SGCZ: variants seen among roughly 807,000 people sequenced by gnomAD.
The protein encoded by SGCZ is sarcoglycan zeta.
SGCZ carries 40 observed loss-of-function variants against 41.3 expected under a neutral mutation model. The ratio of observed to expected loss-of-function variants is 0.97; its 90% CI spans 0.75 to 1.26. SGCZ has a LOEUF of 1.26. Among genes scored for constraint, SGCZ ranks in the 50% most tolerant of loss-of-function variants. SGCZ has a pLI of 0.00. For synonymous variants in SGCZ, 206 were observed against 137.5 expected (o/e 1.50, Z -3.49); for missense variants, 552 against 369.8 (o/e 1.49, Z -4.04).
intron 2 of SGCZ, among the ~76,000 whole-genome samples, chr8:14,502,044 T>C (rs183996543): frequency 6.6e-6 from 1 of 152,080 alleles, no homozygotes; most frequent in Non-Finnish European, 1.5e-5. Flanking sequence ...AGAATGTCAA[T>C]TATTCTAATA....
chr8:14,529,403 T>C (rs1324328143), intron 2 of SGCZ, among the ~76,000 whole-genome samples: 2 of 152,154 alleles, frequency 1.3e-5, no homozygotes, highest in African/African-American at 4.8e-5. Context: ...CTGGCATGCG[T>C]GATCAGCATG....
intron 2 of SGCZ, among the ~76,000 whole-genome samples, chr8:14,392,145 A>C (rs1262575256): frequency 4.7e-5 from 7 of 149,840 alleles, no homozygotes; most frequent in African/African-American, 1.0e-4. Context: ...GATAAATCAC[A>C]AAAAAAATTA....
intron 1 of SGCZ, among the ~76,000 whole-genome samples, chr8:14,629,544 TAGTC>T (rs147952914): frequency 0.034 from 5,238 of 152,132 alleles, 290 homozygotes; most frequent in African/African-American, 0.12. Flanking sequence ...GGGAAGTAAA[TAGTC>T]AGCAAGAGGC....
chr8:15,024,297 G>C (rs564054597), intron 1 of SGCZ, among the ~76,000 whole-genome samples: 7 of 151,776 alleles, frequency 4.6e-5, no homozygotes, highest in African/African-American at 1.7e-4. Flanking sequence ...CACTTTCTTT[G>C]GTTTATATCC....
chr8:14,282,272 G>A (rs923424777), intron 3 of SGCZ, among the ~76,000 whole-genome samples: 5 of 151,834 alleles, frequency 3.3e-5, no homozygotes, highest in African/African-American at 9.7e-5. Flanking sequence ...AGAAACATTT[G>A]TTTCTTAGAG....
chr8:14,923,982 A>T (rs1343303600), intron 1 of SGCZ, among the ~76,000 whole-genome samples: 1 of 152,202 alleles, frequency 6.6e-6, no homozygotes, highest in Non-Finnish European at 1.5e-5. Context: ...ACTTCTGGAA[A>T]ATAAGGCTGT....
chr8:14,176,522 C>T (rs1804546320), intron 4 of SGCZ, among the ~76,000 whole-genome samples: 1 of 152,188 alleles, frequency 6.6e-6, no homozygotes, highest in African/African-American at 2.4e-5. Flanking sequence ...AATGTATGTC[C>T]TCAAATGACT....
intron 1 of SGCZ, among the ~76,000 whole-genome samples, chr8:14,711,155 A>C (rs184344006): frequency 6.6e-6 from 1 of 152,230 alleles, no homozygotes; most frequent in East Asian, 1.9e-4. Flanking sequence ...ATACTGAGCA[A>C]GTCACTATGG....
At chr8:14,408,662 C>A (rs1277047806) in intron 2 of SGCZ, among the ~76,000 whole-genome samples, 3 of 152,160 alleles carry the variant, frequency 2.0e-5, no homozygotes, top group African/African-American at 7.2e-5. Flanking sequence ...TGGTCCCAGG[C>A]TGTGAGTTAT....
intron 2 of SGCZ, among the ~76,000 whole-genome samples, chr8:14,418,835 T>C (rs886710517): frequency 6.6e-6 from 1 of 151,950 alleles, no homozygotes; most frequent in Admixed American, 6.6e-5. Context: ...GTATTAAAAA[T>C]AGATAAAACC....
intron 2 of SGCZ, among the ~76,000 whole-genome samples, chr8:14,526,072 TC>T (rs1802938775): frequency 6.6e-6 from 1 of 152,146 alleles, no homozygotes. Context: ...TATTTTGATA[TC>T]TTACAGAAAC....
intron 4 of SGCZ, among the ~76,000 whole-genome samples, chr8:14,213,925 G>T (rs1191989479): frequency 6.6e-6 from 1 of 151,984 alleles, no homozygotes; most frequent in African/African-American, 2.4e-5. Context: ...TTACCCTTAA[G>T]GTGGAAAAAC....
chr8:14,438,786 G>A (rs1030585142), intron 2 of SGCZ, among the ~76,000 whole-genome samples: 1 of 151,816 alleles, frequency 6.6e-6, no homozygotes, highest in South Asian at 2.1e-4. Flanking sequence ...TTAATAAATA[G>A]AAAACCATGA....
At chr8:14,657,574 T>C (rs1236664879) in intron 1 of SGCZ, among the ~76,000 whole-genome samples, 1 of 152,146 alleles carries the variant, frequency 6.6e-6, no homozygotes, top group Non-Finnish European at 1.5e-5. Context: ...TTCTTTTTCT[T>C]GGGAACTTTC....
intron 1 of SGCZ, among the ~76,000 whole-genome samples, chr8:14,637,697 C>A (rs903290630): frequency 6.6e-6 from 1 of 151,714 alleles, no homozygotes; most frequent in African/African-American, 2.4e-5. Context: ...GTACATATAC[C>A]ACATTTTCTT....
intron 2 of SGCZ, among the ~76,000 whole-genome samples, chr8:14,338,047 C>A (rs200549295): frequency 6.6e-6 from 1 of 152,090 alleles, no homozygotes; most frequent in Non-Finnish European, 1.5e-5. Flanking sequence ...TGGTAGCAGG[C>A]AAGATATCAA....
rs557773939 is a variant in SGCZ, at chr8:14,630,046, A to T, written c.40-75120T>A. Among the ~76,000 whole-genome samples the T allele has an allele frequency of 2.6e-5, 4 of 152,128 alleles. No individual in the cohort carries two copies. The South Asian group carries it at 6.2e-4, about 24-fold the overall frequency. On this transcript the variant is annotated intron_variant, in intron 1 of 7. Transcript: ENST00000382080. ...TTATCTCAGATATATTAGGGAAAAA[A>T]ATGTCTTTTCCCCATTCCTTGATTT...
At chr8:14,620,724 C>G (rs1353513600) in intron 1 of SGCZ, among the ~76,000 whole-genome samples, 1 of 152,134 alleles carries the variant, frequency 6.6e-6, no homozygotes, top group East Asian at 1.9e-4. Flanking sequence ...AAATGCAAAT[C>G]AAAACCACAA....
chr8:14,332,739 G>A (rs1294670506), intron 2 of SGCZ: 2 of 151,090 alleles, frequency 1.3e-5, no homozygotes, highest in Non-Finnish European at 2.9e-5. Flanking sequence ...ATATATAAAT[G>A]GTAAAATCAT....
Sources: allele counts gnomAD v4.1 joint callset (sites outside exome capture counted in the v4.1 genomes callset), GRCh38; gene constraint gnomAD v4.1.1; transcripts MANE v1.5; gene names NCBI Gene and HGNC (gene_info 2026-07-23, HGNC 2026-07-21).